SLC24A4: variants seen among roughly 807,000 people sequenced by gnomAD.
SLC24A4 encodes the protein solute carrier family 24 member 4, also known as sodium/potassium/calcium exchanger 4.
A neutral mutation model predicts 79.0 loss-of-function variants in SLC24A4; 53 were observed. That is an observed-to-expected ratio of 0.67 (90% CI 0.54 to 0.84). The LOEUF (loss-of-function observed/expected upper bound fraction) is 0.84, where lower values mean the gene tolerates loss of function less well. Among genes scored for constraint, SLC24A4 ranks in the 40% least tolerant of loss-of-function variants. The pLI is 0.00. For missense variants in SLC24A4, 731 were observed against 822.0 expected, an observed-to-expected ratio of 0.89 and a Z score of 1.35; for synonymous variants, 323 against 323.8, an observed-to-expected ratio of 1.00 and a Z score of 0.03.
chr14:92,472,049 T>C (rs1894465640), intron 12 of SLC24A4, among the ~76,000 whole-genome samples: 1 of 152,170 alleles, frequency 6.6e-6, no homozygotes, highest in African/African-American at 2.4e-5. Context: ...TCAGTTCTCA[T>C]AGATAGCAAA....
chr14:92,460,373 G>A (rs1045896870), intron 12 of SLC24A4, among the ~76,000 whole-genome samples: 4 of 152,214 alleles, frequency 2.6e-5, no homozygotes, highest in African/African-American at 7.2e-5. Flanking sequence ...GCACACAGTA[G>A]GTGCTCAGCA....
chr14:92,327,445 C>G (rs1392947304), intron 2 of SLC24A4, among the ~76,000 whole-genome samples: 1 of 152,198 alleles, frequency 6.6e-6, no homozygotes, highest in Non-Finnish European at 1.5e-5. Context: ...GTCATTGGCT[C>G]CACACGGAAA....
chr14:92,419,029 T>C (rs1891139101), intron 2 of SLC24A4, among the ~76,000 whole-genome samples: 1 of 152,194 alleles, frequency 6.6e-6, no homozygotes, highest in South Asian at 2.1e-4. Flanking sequence ...GGCCTTCAAC[T>C]GATTGGGGTG....
chr14:92,491,199 A>T (rs1465027540), intron 14 of SLC24A4, among the ~76,000 whole-genome samples: 1 of 152,228 alleles, frequency 6.6e-6, no homozygotes, highest in Admixed American at 6.5e-5. Flanking sequence ...TATTTTTTCA[A>T]TAACTGTGAC....
chr14:92,402,353 C>T (rs548105666), intron 2 of SLC24A4, among the ~76,000 whole-genome samples: 27 of 152,186 alleles, frequency 1.8e-4, no homozygotes, highest in African/African-American at 6.3e-4. Context: ...TTTTCCTCTT[C>T]TCGGGTATAT....
At chr14:92,453,453 C>T (rs1337233034) in intron 10 of SLC24A4, 1 of 154,192 alleles carries the variant, frequency 6.5e-6, no homozygotes, top group African/African-American at 2.4e-5. Context: ...CCCGGGGACC[C>T]TTGTCAATTT....
intron 2 of SLC24A4, among the ~76,000 whole-genome samples, chr14:92,354,849 G>A (rs1000090826): frequency 6.6e-5 from 10 of 152,062 alleles, no homozygotes; most frequent in East Asian, 3.9e-4. Flanking sequence ...CGAGGTGGGC[G>A]GATTGAATGA....
At chr14:92,389,994 G>A (rs755517452) in intron 2 of SLC24A4, among the ~76,000 whole-genome samples, 33 of 152,036 alleles carry the variant, frequency 2.2e-4, no homozygotes, top group South Asian at 1.5e-3. Flanking sequence ...GATGCCAGCC[G>A]GTCCCTCTGC....
At chr14:92,451,891 G>A (rs570130795) in intron 10 of SLC24A4, 1 of 152,698 alleles carries the variant, frequency 6.5e-6, no homozygotes, top group Admixed American at 6.5e-5. Context: ...GAGAGTTGGG[G>A]GTGATGCCTG....
chr14:92,435,025 C>T (rs995180767), intron 3 of SLC24A4, among the ~76,000 whole-genome samples: 46 of 152,292 alleles, frequency 3.0e-4, no homozygotes, highest in African/African-American at 9.9e-4. Context: ...CCACCTGCCT[C>T]GGCCTCCCAA....
Position 92,441,524 on chromosome 14 carries a change from A to T in SLC24A4, c.394-565A>T, listed in dbSNP as rs1892494327. 2.0e-5 allele frequency among the ~76,000 whole-genome samples: 3 copies of T among 152,214 alleles called. No individual in the cohort carries two copies. In the South Asian group the frequency reaches 6.2e-4, roughly 31 times the overall value. ...CTGCAGGCCAGAGGCCTCCAGATCC[A>T]CAATGCTGACATTCTCATTGAGGCC... is the stretch of plus-strand genomic sequence containing the variant. On this transcript the variant is annotated intron_variant, in intron 4 of 16. Transcript: ENST00000532405. This position sits in a 1 kb window ranked among gnomAD's most constrained non-coding sequence, Gnocchi z 4.6.
chr14:92,474,861 A>ATC (rs1226459079), intron 12 of SLC24A4, among the ~76,000 whole-genome samples: 2 of 63,196 alleles, frequency 3.2e-5, no homozygotes, highest in African/African-American at 6.9e-5. Flanking sequence ...ATATATATAT[A>ATC]TATTTTTTTT....
chr14:92,410,335 A>G (rs1890639495), intron 2 of SLC24A4, among the ~76,000 whole-genome samples: 1 of 152,138 alleles, frequency 6.6e-6, no homozygotes, highest in Non-Finnish European at 1.5e-5. Context: ...GTGTGCCACC[A>G]TGCCTGACTA....
intron 2 of SLC24A4, among the ~76,000 whole-genome samples, chr14:92,365,874 C>A (rs376778597): frequency 7.2e-5 from 11 of 152,122 alleles, no homozygotes; most frequent in African/African-American, 2.4e-4. Context: ...AGGCAAGATT[C>A]GAACTAGGCT....
intron 2 of SLC24A4, among the ~76,000 whole-genome samples, chr14:92,365,380 C>A (rs151173234): frequency 6.6e-6 from 1 of 152,244 alleles, no homozygotes; most frequent in African/African-American, 2.4e-5. Context: ...AGAGCAGAGC[C>A]TTCTGGATGG....
At chr14:92,412,772 G>A (rs546890227) in intron 2 of SLC24A4, among the ~76,000 whole-genome samples, 4 of 151,764 alleles carry the variant, frequency 2.6e-5, no homozygotes, top group South Asian at 2.1e-4. Context: ...CCTTCCCACC[G>A]CCTCACCACC....
chr14:92,400,437 C>CAAAAAAA (rs35343108), intron 2 of SLC24A4, among the ~76,000 whole-genome samples: 1 of 79,478 alleles, frequency 1.3e-5, no homozygotes, highest in Non-Finnish European at 2.5e-5. Context: ...GACTCCATCT[C>CAAAAAAA]AAAAAAAAAA....
intron 2 of SLC24A4, 60 bp from the exon 3 acceptor site, chr14:92,433,852 T>G: frequency 1.7e-5 from 24 of 1,415,832 alleles, no homozygotes; most frequent in Non-Finnish European, 2.3e-5. Flanking sequence ...AGAAGTCAAG[T>G]GAGGTTTGTC....
At position 92,474,763 on chromosome 14, in the gene SLC24A4, GTA is replaced by G. The variant is rs1472852446; in HGVS notation, c.1256-7911_1256-7910del. Among the ~76,000 whole-genome samples, 80 of 67,606 alleles carry G rather than the reference GTA, an allele frequency of 1.2e-3. 1 individual carries two copies. The highest frequency in any genetic ancestry group is 3.1e-3 in the African/African-American group (68 of 21,794). The allele number at this position is 67,606 out of a possible 152,430, so 44.4% of individuals were successfully genotyped here. On this transcript the variant is annotated intron_variant, in intron 12 of 16. Transcript: ENST00000532405. ...CGTATATATACGTGTGTGTATATAC[GTA>G]TATATGTGTGTATATATATGTGTGT...
Sources: allele counts gnomAD v4.1 joint callset (sites outside exome capture counted in the v4.1 genomes callset), GRCh38; gene constraint gnomAD v4.1.1; non-coding constraint Gnocchi (gnomAD v3.1); transcripts MANE v1.5; gene names NCBI Gene and HGNC (gene_info 2026-07-23, HGNC 2026-07-21).